CCDC180: variants seen among roughly 807,000 people sequenced by gnomAD.
CCDC180 encodes coiled-coil domain-containing protein 180.
A neutral mutation model predicts 209.2 loss-of-function variants in CCDC180; 154 were observed. That is an observed-to-expected ratio of 0.74 (90% CI 0.65 to 0.84). CCDC180 has a LOEUF of 0.84. Among genes scored for constraint, CCDC180 ranks in the 40% least tolerant of loss-of-function variants. The pLI is 0.00. For missense variants in CCDC180, 1,874 were observed against 1,997.3 expected (o/e 0.94, Z 1.18); for synonymous variants, 778 against 749.1 (o/e 1.04, Z -0.63).
Position 97,325,205 on chromosome 9 carries a change from C to G in CCDC180, c.1545+13C>G, listed in dbSNP as rs1291832155. The G allele has an allele frequency of 5.1e-6, 8 of 1,575,292 alleles. No individual in the cohort carries two copies. Among genetic ancestry groups the G allele is most frequent in the Non-Finnish European group, 6.9e-6 (8 of 1,159,574 alleles). ...CCTGGAGAGCCAGGTGAGACCCACA[C>G]CCGGGGCTCCATGTTTCACACCACA... On this transcript the variant is annotated intron_variant, in intron 14 of 36. Coordinates refer to ENST00000529487, the MANE Select transcript of CCDC180 (RefSeq NM_020893.6).
chr9:97,375,529 C>T lies in CCDC180; in HGVS notation c.4782C>T (p.Ser1594=), dbSNP rs1827228471. 2.5e-6 allele frequency: 4 copies of T among 1,614,224 alleles called. No homozygotes were observed. The highest frequency in any genetic ancestry group is 1.1e-5 in the South Asian group (1 of 91,078). Residue 1594 remains serine, a synonymous_variant, in exon 36 of 37, where the codon TCC becomes TCT. Transcript: ENST00000529487. ...TTCTCCAGCCAACATCATCGATTTC[C>T]ACCACCAAAACCACCCTGGGCCACC... ...KILLQPTSSI[S]TTKTTLGHLA...
At chr9:97,311,674 C>T (rs895979707) in intron 3 of CCDC180, among the ~76,000 whole-genome samples, 4 of 152,190 alleles carry the variant, frequency 2.6e-5, no homozygotes, top group Admixed American at 6.5e-5. Context: ...AAGCCCCATC[C>T]GCCTTTCTGG....
At chr9:97,327,562 C>G (rs1226333898) in intron 15 of CCDC180, among the ~76,000 whole-genome samples, 1 of 152,088 alleles carries the variant, frequency 6.6e-6, no homozygotes, top group Non-Finnish European at 1.5e-5. Flanking sequence ...AAGGACTGTT[C>G]ACAGAAATAG....
At position 97,343,576 on chromosome 9, in the gene CCDC180, CTA is replaced by C; in HGVS notation, c.2498+15_2498+16del. On this transcript the variant is annotated intron_variant, in intron 19 of 36. Transcript: ENST00000529487. ...AAATTAAGAAACAGTGAGTAAAAAA[CTA>C]TTTTATTCTCATCCTGTTGTTCTGA... The C allele has an allele frequency of 6.6e-7, 1 of 1,517,752 alleles. No individual in the cohort carries two copies. The highest frequency in any genetic ancestry group is 1.1e-5 in the South Asian group (1 of 88,718). 94.0% of individuals were successfully genotyped at this position (1,517,752 alleles called of 1,614,324 possible).
intron 11 of CCDC180, among the ~76,000 whole-genome samples, chr9:97,321,615 C>T (rs1466241284): frequency 6.6e-6 from 1 of 152,196 alleles, no homozygotes; most frequent in Admixed American, 6.5e-5. Flanking sequence ...CATTCAGTGC[C>T]TCCTACAGAC....
chr9:97,347,661 A>G (rs1826303386), intron 20 of CCDC180, 172 bp downstream of exon 20: 1 of 601,578 alleles, frequency 1.7e-6, no homozygotes. Context: ...AGGCTTGCAG[A>G]AAAAGGTAGT....
chr9:97,323,736 G>A (rs756805757), intron 12 of CCDC180, 45 bp from the exon 13 acceptor site: 3 of 1,529,548 alleles, frequency 2.0e-6, no homozygotes, highest in Non-Finnish European at 1.8e-6. Context: ...TGCCTGTGGG[G>A]ACCTCAGTCC....
At chr9:97,324,529 C>G (rs1329016915) in intron 13 of CCDC180, among the ~76,000 whole-genome samples, 1 of 152,220 alleles carries the variant, frequency 6.6e-6, no homozygotes. Context: ...ATTTAGTCTA[C>G]AGGTGGCAGC....
intron 12 of CCDC180, 149 bp downstream of exon 12, chr9:97,323,070 C>T (rs765551921): frequency 1.4e-5 from 9 of 636,800 alleles, no homozygotes; most frequent in Non-Finnish European, 2.5e-5. Context: ...AGCTTTTCTT[C>T]CTCATGGAAG....
At chr9:97,326,480 C>T (rs1833537257) in intron 14 of CCDC180, 74 bp from the exon 15 acceptor site, 3 of 853,692 alleles carry the variant, frequency 3.5e-6, no homozygotes, top group Non-Finnish European at 2.0e-6. Context: ...GCAGCAGGGT[C>T]CCTGCAGGTC....
chr9:97,365,132 G>C (rs1362178746), intron 29 of CCDC180: 1 of 152,528 alleles, frequency 6.6e-6, no homozygotes. Flanking sequence ...TATTTGCTTG[G>C]TTAAAGTGAA....
At chr9:97,324,252 C>A (rs972049248) in intron 13 of CCDC180, among the ~76,000 whole-genome samples, 13 of 152,240 alleles carry the variant, frequency 8.5e-5, no homozygotes, top group African/African-American at 2.6e-4. Context: ...CTGTGAAGGG[C>A]CAGATGGTGA....
At position 97,308,532 on chromosome 9, in the gene CCDC180, A is replaced by G. The variant is rs772463646; in HGVS notation, c.69+400A>G. Reference sequence around the variant, plus strand: ...CCCTTTTCTATGCCCGTGGGCGCCCATGTATTTCACCATACTGAGCAGCTC... The same window carrying G: ...CCCTTTTCTATGCCCGTGGGCGCCCGTGTATTTCACCATACTGAGCAGCTC... On this transcript the variant is annotated intron_variant, in intron 2 of 36. Coordinates refer to ENST00000529487, the MANE Select transcript of CCDC180 (RefSeq NM_020893.6). 2.0e-5 allele frequency among the ~76,000 whole-genome samples: 3 copies of G among 152,188 alleles called. 1 individual carries two copies. The South Asian group carries it at 6.2e-4, about 31-fold the overall frequency.
At chr9:97,358,629 T>C (rs992080710) in intron 25 of CCDC180, among the ~76,000 whole-genome samples, 1 of 152,146 alleles carries the variant, frequency 6.6e-6, no homozygotes, top group Non-Finnish European at 1.5e-5. Flanking sequence ...CACCCTTCAA[T>C]GATGGGGGAC....
At chr9:97,327,901 A>G in intron 15 of CCDC180, 119 bp from the exon 16 acceptor site, 1 of 1,097,230 alleles carries the variant, frequency 9.1e-7, no homozygotes, top group Non-Finnish European at 1.3e-6. Context: ...CTGCTGCTAT[A>G]AAAGAGCAGC....
Position 97,318,473 on chromosome 9 carries a change from G to T in CCDC180, c.970G>T (p.Ala324Ser), listed in dbSNP as rs1446457577. The T allele has an allele frequency of 6.8e-6, 11 of 1,613,512 alleles. No individual in the cohort carries two copies. Among genetic ancestry groups the T allele is most frequent in the African/African-American group, 5.3e-5 (4 of 75,002 alleles). Residue 324 changes from alanine to serine, a missense_variant, in exon 10 of 37, where the codon GCC becomes TCC. Ala to Ser is a moderately conservative substitution (Grantham distance 99). Transcript: ENST00000529487. ...ATGTCTGGCCACCAGTGAGTTCATG[G>T]CCAGTGAGAGTATCCATACTCCCCC... ...ALLQSFSEFM[A>S]SESIHTPPAV...
chr9:97,326,479 T>C, intron 14 of CCDC180, 75 bp from the exon 15 acceptor site: 1 of 846,396 alleles, frequency 1.2e-6, no homozygotes, highest in East Asian at 2.5e-5. Context: ...AGCAGCAGGG[T>C]CCCTGCAGGT....
At chr9:97,369,049 A>G (rs2117963258) in intron 31 of CCDC180, among the ~76,000 whole-genome samples, 1 of 152,366 alleles carries the variant, frequency 6.6e-6, no homozygotes, top group African/African-American at 2.4e-5. Flanking sequence ...GAATAAAATA[A>G]AACTTTCATG....
At chr9:97,359,639 G>C (rs1385416069) in intron 25 of CCDC180, among the ~76,000 whole-genome samples, 2 of 152,128 alleles carry the variant, frequency 1.3e-5, no homozygotes, top group East Asian at 3.9e-4. Flanking sequence ...AGAGCCAGAG[G>C]AGATCCTAGG....
Sources: allele counts gnomAD v4.1 joint callset (sites outside exome capture counted in the v4.1 genomes callset), GRCh38; gene constraint gnomAD v4.1.1; transcripts MANE v1.5; gene names NCBI Gene and HGNC (gene_info 2026-07-23, HGNC 2026-07-21).